The following RUNX1 variants were observed in gnomAD, a reference collection of about 807,000 sequenced individuals.
The protein encoded by RUNX1 is RUNX family transcription factor 1, also known as runt-related transcription factor 1.
A neutral mutation model predicts 42.8 loss-of-function variants in RUNX1; 19 were observed. The observed-to-expected ratio is 0.44, with a 90% CI of 0.31 to 0.65. The LOEUF (loss-of-function observed/expected upper bound fraction) is 0.65, where lower values mean the gene tolerates loss of function less well. Among genes scored for constraint, RUNX1 ranks in the 30% least tolerant of loss-of-function variants. The pLI, the probability that RUNX1 is intolerant of heterozygous loss-of-function variation, is 0.07. For missense variants in RUNX1, 528 were observed against 672.0 expected (o/e 0.79, Z 2.37); for synonymous variants, 271 against 289.4 (o/e 0.94, Z 0.64).
chr21:34,806,155 G>T (rs1601361154), intron 7 of RUNX1, among the ~76,000 whole-genome samples: 2 of 152,114 alleles, frequency 1.3e-5, no homozygotes, highest in African/African-American at 4.8e-5. Flanking sequence ...GGTTAAATAT[G>T]AATACTCTAA....
chr21:34,871,943 A>G (rs2057744236), intron 5 of RUNX1, among the ~76,000 whole-genome samples: 1 of 151,900 alleles, frequency 6.6e-6, no homozygotes, highest in African/African-American at 2.4e-5. Flanking sequence ...TCCCTGGTTC[A>G]AGCAATTTTC....
intron 2 of RUNX1, among the ~76,000 whole-genome samples, chr21:35,002,292 C>A (rs2059050491): frequency 6.6e-6 from 1 of 151,806 alleles, no homozygotes; most frequent in Non-Finnish European, 1.5e-5. Context: ...TCTCAGCGTG[C>A]CCCTCCTTCA....
chr21:34,794,085 ATAAAT>A (rs1423782122), intron 8 of RUNX1, among the ~76,000 whole-genome samples: 8 of 152,198 alleles, frequency 5.3e-5, no homozygotes, highest in African/African-American at 1.2e-4. Flanking sequence ...TACCAATAAT[ATAAAT>A]TAATCTGTGA....
chr21:34,924,586 T>C (rs2058379181), intron 2 of RUNX1, among the ~76,000 whole-genome samples: 1 of 152,276 alleles, frequency 6.6e-6, no homozygotes. Flanking sequence ...GAGACTCCTA[T>C]GCGGTTTAGT....
rs190855635 is a variant in RUNX1 at position 34,953,877 on chromosome 21, T to C, written c.59-60914A>G. 7.8e-4 allele frequency among the ~76,000 whole-genome samples: 119 copies of C among 152,332 alleles called. 1 individual carries two copies. Among genetic ancestry groups the C allele is most frequent in the African/African-American group, 2.7e-3 (114 of 41,562 alleles). On this transcript the variant is annotated intron_variant, in intron 2 of 8. Coordinates refer to ENST00000675419, the MANE Select transcript of RUNX1 (RefSeq NM_001754.5). ...AGAAGGTATCAAGAAAAGCTTGTTG[T>C]ACCTTGGATGGAGGAAGATAAGAAG...
At chr21:34,875,636 T>C (rs1212959354) in intron 5 of RUNX1, among the ~76,000 whole-genome samples, 1 of 152,190 alleles carries the variant, frequency 6.6e-6, no homozygotes, top group Non-Finnish European at 1.5e-5. Flanking sequence ...CAGATGAATT[T>C]TTCCTTCTTC....
rs1257553056 is a variant in RUNX1 at position 34,790,934 on chromosome 21, TCCCTGGGCAGA to T, written c.*1190_*1200del. Reference sequence around the variant, plus strand: ...ATCAGATGACCTTGGGGTGAGCAAATCCCTGGGCAGAAATCAAATCCTCTCCAAAGATGTAA... The same window carrying T: ...ATCAGATGACCTTGGGGTGAGCAAATAATCAAATCCTCTCCAAAGATGTAA... On this transcript the variant is annotated 3_prime_UTR_variant, in exon 9 of 9. Transcript: ENST00000675419. 1 of 233,486 alleles carries T rather than the reference TCCCTGGGCAGA, an allele frequency of 4.3e-6. No individual in the cohort carries two copies. The highest frequency in any genetic ancestry group is 8.5e-6 in the Non-Finnish European group (1 of 118,048). The allele number at this position is 233,486 out of a possible 1,614,324, so 14.5% of individuals were successfully genotyped here.
Position 34,893,770 on chromosome 21 carries a change from G to GT in RUNX1, c.59-808dup, listed in dbSNP as rs67786578. Among the ~76,000 whole-genome samples, 753 of 137,556 alleles carry GT rather than the reference G, an allele frequency of 5.5e-3. 6 individuals are homozygous for GT. The highest frequency in any genetic ancestry group is 9.9e-3 in the South Asian group (43 of 4,346). The allele number at this position is 137,556 out of a possible 152,430, so 90.2% of individuals were successfully genotyped here. A position where few individuals can be genotyped will look rare whatever the true frequency, so the allele number is the denominator to read the frequency against. ...TCCATGCCACAATATTTAGTATGCT[G>GT]TTTTTTTTTTTTTAAAAAAAAACCT... On this transcript the variant is annotated intron_variant, in intron 2 of 8. Transcript: ENST00000675419.
intron 6 of RUNX1, among the ~76,000 whole-genome samples, chr21:34,837,981 G>A (rs559254003): frequency 7.9e-5 from 12 of 151,856 alleles, no homozygotes; most frequent in African/African-American, 2.7e-4. Context: ...CCAAAAAAGG[G>A]GAAAAAATTG....
chr21:35,019,084 C>T (rs1454240085), intron 2 of RUNX1, among the ~76,000 whole-genome samples: 1 of 152,180 alleles, frequency 6.6e-6, no homozygotes, highest in Non-Finnish European at 1.5e-5. Flanking sequence ...GAAGTCTTAC[C>T]ATCTGGCTTA....
At chr21:34,876,759 T>C (rs1601508235) in intron 5 of RUNX1, among the ~76,000 whole-genome samples, 2 of 152,358 alleles carry the variant, frequency 1.3e-5, no homozygotes, top group Admixed American at 6.5e-5. Context: ...GAAATGAAAT[T>C]ACTAAAGCTG....
chr21:34,937,305 A>T (rs1264577754), intron 2 of RUNX1, among the ~76,000 whole-genome samples: 1 of 125,392 alleles, frequency 8.0e-6, no homozygotes. Context: ...CCATTGTAAC[A>T]TTGTGGCCAT....
Position 34,791,988 on chromosome 21 carries a change from G to C in RUNX1, c.*147C>G. 2.1e-6 allele frequency: 1 copy of C among 476,126 alleles called. No homozygotes were observed. The allele number at this position is 476,126 out of a possible 1,614,324, so 29.5% of individuals were successfully genotyped here. A position where few individuals can be genotyped will look rare whatever the true frequency, so the allele number is the denominator to read the frequency against. ...GCTGCGCGGGCCTGACCTACAGCGA[G>C]ATCCTGGCCGTCGGGCGCCCTCGGC... On this transcript the variant is annotated 3_prime_UTR_variant, in exon 9 of 9. Coordinates refer to ENST00000675419, the MANE Select transcript of RUNX1 (RefSeq NM_001754.5).
chr21:34,819,158 C>T (rs1253243767), intron 7 of RUNX1, among the ~76,000 whole-genome samples: 3 of 152,236 alleles, frequency 2.0e-5, no homozygotes, highest in Non-Finnish European at 2.9e-5. Flanking sequence ...GAGGTCATTA[C>T]ACTTGGGAGG....
At chr21:34,830,478 C>T (rs2226303) in intron 7 of RUNX1, among the ~76,000 whole-genome samples, 102,630 of 152,094 alleles carry the variant, frequency 0.67, 38,435 homozygotes, top group East Asian at 1. Context: ...ATGTTCAATA[C>T]AAGAATGCCA....
At chr21:35,038,159 T>G (rs2059323652) in intron 2 of RUNX1, among the ~76,000 whole-genome samples, 1 of 152,140 alleles carries the variant, frequency 6.6e-6, no homozygotes, top group African/African-American at 2.4e-5. Flanking sequence ...ATGAGAAACT[T>G]GGGGCTCCGT....
chr21:34,974,749 C>T (rs889912752), intron 2 of RUNX1, among the ~76,000 whole-genome samples: 3 of 152,178 alleles, frequency 2.0e-5, no homozygotes, highest in Non-Finnish European at 2.9e-5. Flanking sequence ...GAATGATTAA[C>T]ACTATACAAA....
chr21:35,009,843 T>C (rs1332914220), intron 2 of RUNX1, among the ~76,000 whole-genome samples: 3 of 152,206 alleles, frequency 2.0e-5, no homozygotes, highest in Non-Finnish European at 2.9e-5. Context: ...TAACCAAACA[T>C]GGAGCTTGGG....
rs145398828 is a variant in RUNX1 at position 35,047,514 on chromosome 21, AACACACACACACACACACAC to A, written c.58+1308_58+1327del. On this transcript the variant is annotated intron_variant, in intron 2 of 8. Coordinates refer to ENST00000675419, the MANE Select transcript of RUNX1 (RefSeq NM_001754.5). ...CTTTAACTTCTCTCTTGCCATCTCCAACACACACACACACACACACACACACACACACACACACACACACA... is the reference window on the plus strand; with the variant it reads ...CTTTAACTTCTCTCTTGCCATCTCCAACACACACACACACACACACACACA... Among the ~76,000 whole-genome samples, 7 of 70,634 alleles carry A rather than the reference AACACACACACACACACACAC, an allele frequency of 9.9e-5. No individual in the cohort carries two copies. In the South Asian group the frequency reaches 1.7e-3, roughly 17 times the overall value. 46.3% of individuals were successfully genotyped at this position (70,634 alleles called of 152,430 possible). A position where few individuals can be genotyped will look rare whatever the true frequency, so the allele number is the denominator to read the frequency against.
Sources: gnomAD v4.1 joint callset for allele counts (sites outside exome capture counted in the v4.1 genomes callset) on GRCh38, gnomAD v4.1.1 for gene constraint, MANE v1.5 for transcripts, NCBI Gene and HGNC (gene_info 2026-07-23, HGNC 2026-07-21) for gene names.